The following XKR4 variants were observed in gnomAD, a reference collection of about 807,000 sequenced individuals.
XKR4 encodes the protein XK related 4.
XKR4 carries 12 observed loss-of-function variants against 53.9 expected under a neutral mutation model. The ratio of observed to expected loss-of-function variants is 0.22; its 90% CI spans 0.14 to 0.36. XKR4 has a LOEUF of 0.36. XKR4 is among the 10% of genes least tolerant of loss of function. The pLI is 1.00. For missense variants in XKR4, 799 were observed against 859.5 expected (o/e 0.93, Z 0.88); for synonymous variants, 354 against 362.4 (o/e 0.98, Z 0.26).
At chr8:55,241,943 A>G (rs568660286) in intron 1 of XKR4, among the ~76,000 whole-genome samples, 1 of 152,284 alleles carries the variant, frequency 6.6e-6, no homozygotes, top group South Asian at 2.1e-4. Context: ...TAATAATAAT[A>G]ATAATGTTAT....
intron 2 of XKR4, among the ~76,000 whole-genome samples, chr8:55,521,673 T>C (rs1806800090): frequency 6.6e-6 from 1 of 152,248 alleles, no homozygotes; most frequent in African/African-American, 2.4e-5. Context: ...ATTTTCCTTA[T>C]CAATAATTGT....
intron 2 of XKR4, among the ~76,000 whole-genome samples, chr8:55,372,911 GAGC>G (rs1804087989): frequency 6.6e-6 from 1 of 152,170 alleles, no homozygotes; most frequent in Admixed American, 6.5e-5. Context: ...CAAACTGTCA[GAGC>G]AGATGCAAGG....
At chr8:55,272,967 A>G (rs980749152) in intron 1 of XKR4, 11 of 439,922 alleles carry the variant, frequency 2.5e-5, no homozygotes, top group African/African-American at 4.1e-5. Flanking sequence ...GGAACAATTA[A>G]CTGAATTTTC....
chr8:55,340,294 G>A (rs1340877651), intron 1 of XKR4, among the ~76,000 whole-genome samples: 1 of 152,178 alleles, frequency 6.6e-6, no homozygotes, highest in African/African-American at 2.4e-5. Context: ...GTTTGGTGGT[G>A]GCATTGGTTC....
At chr8:55,378,323 G>A (rs949995799) in intron 2 of XKR4, among the ~76,000 whole-genome samples, 5 of 152,342 alleles carry the variant, frequency 3.3e-5, no homozygotes, top group African/African-American at 1.2e-4. Context: ...AGAGCTGTCA[G>A]TGGCTAATAA....
At chr8:55,119,117 T>C (rs915827323) in intron 1 of XKR4, among the ~76,000 whole-genome samples, 3 of 152,194 alleles carry the variant, frequency 2.0e-5, no homozygotes, top group Admixed American at 2.0e-4. Context: ...CTAAGCAGGC[T>C]CTGAGCACGC....
intron 1 of XKR4, among the ~76,000 whole-genome samples, chr8:55,270,406 C>T (rs977562630): frequency 6.6e-6 from 1 of 152,130 alleles, no homozygotes; most frequent in Non-Finnish European, 1.5e-5. Flanking sequence ...TGGCATCCTC[C>T]CCACTCTCCC....
chr8:55,335,798 C>A (rs1803451317), intron 1 of XKR4, among the ~76,000 whole-genome samples: 2 of 148,332 alleles, frequency 1.3e-5, no homozygotes, highest in African/African-American at 5.0e-5. Context: ...AGACATTATG[C>A]CGAATGAAAA....
chr8:55,515,951 C>A (rs147237669), intron 2 of XKR4, among the ~76,000 whole-genome samples: 17 of 152,302 alleles, frequency 1.1e-4, no homozygotes, highest in African/African-American at 4.1e-4. Context: ...GGTAACCATA[C>A]CAATCCATTG....
At chr8:55,487,488 CAG>C (rs1340618683) in intron 2 of XKR4, among the ~76,000 whole-genome samples, 2 of 146,426 alleles carry the variant, frequency 1.4e-5, no homozygotes, top group African/African-American at 5.1e-5. Context: ...TTTCTTGAGA[CAG>C]AGTCTTACTC....
chr8:55,221,397 G>A (rs897419825), intron 1 of XKR4, among the ~76,000 whole-genome samples: 10 of 152,166 alleles, frequency 6.6e-5, no homozygotes, highest in African/African-American at 4.8e-5. Flanking sequence ...ATTTTATGCT[G>A]TAAGGTCCCC....
At chr8:55,512,634 C>T (rs1806646176) in intron 2 of XKR4, among the ~76,000 whole-genome samples, 1 of 152,176 alleles carries the variant, frequency 6.6e-6, no homozygotes. Context: ...TCTTTAGTGC[C>T]TGGCACTTAG....
chr8:55,122,470 G>A (rs1029417646), intron 1 of XKR4, among the ~76,000 whole-genome samples: 2 of 152,164 alleles, frequency 1.3e-5, no homozygotes, highest in Non-Finnish European at 2.9e-5. Flanking sequence ...AACATAATCA[G>A]TATTCTATCT....
chr8:55,494,565 G>A (rs1806315273), intron 2 of XKR4, among the ~76,000 whole-genome samples: 1 of 152,160 alleles, frequency 6.6e-6, no homozygotes, highest in Admixed American at 6.5e-5. Context: ...ACAGCTCAGA[G>A]GAGACCCAAA....
Position 55,523,315 on chromosome 8 carries a change from C to T in XKR4, c.1041C>T (p.Ala347=), listed in dbSNP as rs4263738. 6.2e-7 allele frequency: 1 copy of T among 1,613,296 alleles called. No homozygotes were observed. Among genetic ancestry groups the T allele is most frequent in the Non-Finnish European group, 8.5e-7 (1 of 1,179,484 alleles). The change falls in exon 3 of 3, where the codon GCC becomes GCT. Residue 347 remains alanine (A), a synonymous_variant. Coordinates refer to ENST00000327381, the MANE Select transcript of XKR4 (RefSeq NM_052898.2). Reference sequence around the variant, plus strand: ...CGGCAGCTTCCCTCGTGTCCCTGGCCTGGGCCTTGGCCTCCTACCAGAAGG... The same window carrying T: ...CGGCAGCTTCCCTCGTGTCCCTGGCTTGGGCCTTGGCCTCCTACCAGAAGG... ...FTAAASLVSL[A]WALASYQKAL...
intron 1 of XKR4, among the ~76,000 whole-genome samples, chr8:55,182,145 T>A (rs34662571): frequency 6.6e-6 from 1 of 152,172 alleles, no homozygotes; most frequent in African/African-American, 2.4e-5. Flanking sequence ...TTATGAATTT[T>A]GAAAGTTAGT....
rs1169068149 is a variant in XKR4, at chr8:55,454,207, A to T, written c.1007-69074A>T. The T allele has an allele frequency of 2.7e-5, 28 of 1,052,516 alleles. 1 individual carries two copies. In the South Asian group the frequency reaches 2.8e-4, roughly 10 times the overall value. The allele number at this position is 1,052,516 out of a possible 1,614,324, so 65.2% of individuals were successfully genotyped here. On this transcript the variant is annotated intron_variant, in intron 2 of 2. Transcript: ENST00000327381. ...TCTGCAGTGGCTCTAGCAAGGGTGG[A>T]ATGTGCACACACTCAGGGATGGTCA...
chr8:55,371,159 A>G (rs186798516), intron 2 of XKR4, among the ~76,000 whole-genome samples: 3 of 151,460 alleles, frequency 2.0e-5, no homozygotes, highest in Non-Finnish European at 4.4e-5. Flanking sequence ...GTGTAGAATC[A>G]GGAAAGTTTT....
intron 1 of XKR4, among the ~76,000 whole-genome samples, chr8:55,210,864 G>T (rs1020783318): frequency 6.6e-6 from 1 of 152,170 alleles, no homozygotes; most frequent in East Asian, 1.9e-4. Flanking sequence ...GTGCATTTCT[G>T]GTAGTTCCAC....
Sources: allele counts gnomAD v4.1 joint callset (sites outside exome capture counted in the v4.1 genomes callset), GRCh38; gene constraint gnomAD v4.1.1; transcripts MANE v1.5; gene names NCBI Gene and HGNC (gene_info 2026-07-23, HGNC 2026-07-21).